CD63: variants seen among roughly 807,000 people sequenced by gnomAD.
The protein encoded by CD63 is CD63 molecule.
In CD63, 16 loss-of-function variants were observed where a neutral mutation model predicts 29.2. That is an observed-to-expected ratio of 0.55 (90% CI 0.37 to 0.83). The LOEUF is 0.83. CD63 is among the 40% of genes least tolerant of loss of function. CD63 has a pLI of 0.00. For missense variants in CD63, 251 were observed against 297.3 expected (o/e 0.84, Z 1.15); for synonymous variants, 118 against 111.7 (o/e 1.06, Z -0.36).
chr12:55,724,591 G>T, downstream of CD63: 1 of 1,557,648 alleles, frequency 6.4e-7, no homozygotes, highest in South Asian at 1.1e-5. Context: ...CAAGGACTTT[G>T]ATTTATTTCT....
chr12:55,728,768 A>C lies in CD63; in HGVS notation c.-12+185T>G. 2 of 995,860 alleles carry C rather than the reference A, an allele frequency of 2.0e-6. No individual in the cohort carries two copies. Among genetic ancestry groups the C allele is most frequent in the Non-Finnish European group, 2.4e-6 (2 of 836,144 alleles). 61.7% of individuals were successfully genotyped at this position (995,860 alleles called of 1,614,324 possible). A position where few individuals can be genotyped will look rare whatever the true frequency, so the allele number is the denominator to read the frequency against. On this transcript the variant is annotated intron_variant, in intron 1 of 7. Transcript: ENST00000257857. The surrounding 1 kb of genome is among the most constrained non-coding windows in gnomAD (Gnocchi z 4.8). ...GACCTCCCCGCCCACCAAAAAAAAA[A>C]AAAGTGCAGCCAGCACCCCCGCCAC...
At chr12:55,725,772 C>G (rs766650476) in intron 7 of CD63, 41 bp downstream of exon 7, 7 of 1,599,148 alleles carry the variant, frequency 4.4e-6, no homozygotes, top group Non-Finnish European at 6.0e-6. Context: ...CTCCAGGCAC[C>G]CTGGACAGAG....
downstream of CD63, chr12:55,724,754 T>C (rs1565656316): frequency 6.3e-6 from 4 of 635,792 alleles, no homozygotes; most frequent in Middle Eastern, 4.1e-4. Context: ...ATGCTCACGG[T>C]CTCTGGCCTG....
At chr12:55,724,803 G>A (rs915097938), downstream of CD63, 79 of 558,744 alleles carry the variant, frequency 1.4e-4, no homozygotes, top group African/African-American at 1.1e-3. Flanking sequence ...ACAGTGGGGC[G>A]CCAGGGAACT....
Position 55,728,169 on chromosome 12 carries a change from A to T in CD63, c.66+107T>A. ...TGTCTTTCCCTGGCTTTCTTTCCAC[A>T]TCTGGTCTCCAGCTGCCTTAATTCT... On this transcript the variant is annotated intron_variant, in intron 2 of 7. Coordinates refer to ENST00000257857, the MANE Select transcript of CD63 (RefSeq NM_001780.6). The surrounding 1 kb of genome is among the most constrained non-coding windows in gnomAD (Gnocchi z 4.8). The T allele has an allele frequency of 3.8e-6, 4 of 1,052,416 alleles. No homozygotes were observed. The highest frequency in any genetic ancestry group is 2.1e-5 in the Admixed American group (1 of 48,654). 65.2% of individuals were successfully genotyped at this position (1,052,416 alleles called of 1,614,324 possible).
chr12:55,724,602 GC>G, downstream of CD63: 2 of 1,499,696 alleles, frequency 1.3e-6, no homozygotes, highest in Non-Finnish European at 1.8e-6. Flanking sequence ...ATTTATTTCT[GC>G]CCCCACCCTG....
chr12:55,725,676 T>C (rs774742263), intron 7 of CD63, 50 bp from the exon 8 acceptor site: 11 of 1,567,154 alleles, frequency 7.0e-6, no homozygotes, highest in Non-Finnish European at 9.7e-6. Context: ...AAGGGCTAGC[T>C]ACCTCAGACC....
intron 5 of CD63, 75 bp downstream of exon 5, chr12:55,726,625 G>T: frequency 1.7e-6 from 2 of 1,190,826 alleles, no homozygotes; most frequent in South Asian, 1.2e-5. Flanking sequence ...GATTACAGGC[G>T]TGAGTCACCA....
chr12:55,724,080 G>A, downstream of CD63: 1 of 1,599,646 alleles, frequency 6.3e-7, no homozygotes, highest in Admixed American at 1.7e-5. Flanking sequence ...AGGGGCACAT[G>A]AAGGGAAACA....
chr12:55,726,437 C>T lies in CD63; in HGVS notation c.427-176G>A, dbSNP rs752252321. 2.1e-3 allele frequency: 1,343 copies of T among 651,616 alleles called. 11 individuals are homozygous for T. Among genetic ancestry groups the T allele is most frequent in the Non-Finnish European group, 2.7e-3 (1,038 of 386,918 alleles). 40.4% of individuals were successfully genotyped at this position (651,616 alleles called of 1,614,324 possible). A position where few individuals can be genotyped will look rare whatever the true frequency, so the allele number is the denominator to read the frequency against. On this transcript the variant is annotated intron_variant, in intron 5 of 7. Coordinates refer to ENST00000257857, the MANE Select transcript of CD63 (RefSeq NM_001780.6). ...TCGGCTCACTGCAACCTCCGCCTCC[C>T]GGGTTCAAGCGATTCTCCTGCCTCA...
chr12:55,726,475 G>A (rs914514223), intron 5 of CD63: 13 of 624,678 alleles, frequency 2.1e-5, no homozygotes, highest in Non-Finnish European at 3.3e-5. Context: ...CTCCTGAGTA[G>A]GTGGGATTAC....
chr12:55,723,798 T>C, downstream of CD63: 3 of 1,492,324 alleles, frequency 2.0e-6, no homozygotes, highest in Non-Finnish European at 2.8e-6. Flanking sequence ...TGGTCTGTGG[T>C]AACTTTCTCA....
rs150015050 is a variant in CD63, at chr12:55,727,315, C to T, written c.91G>A (p.Val31Met). 282 of 1,613,638 alleles carry T rather than the reference C, an allele frequency of 1.7e-4. No homozygotes were observed. The East Asian group carries it at 5.6e-3, about 32-fold the overall frequency. The stretch of plus-strand genomic sequence containing the variant: ...AGGACAAGCTGTGCCCCGACACCCA[C>T]GGCAATCAGTCCCACTGCACAGGCC... ...FCACAVGLIAVGVGAQLVLSQ... is the reference protein window; with the variant it reads ...FCACAVGLIAMGVGAQLVLSQ... The change falls in exon 3 of 8, where the codon GTG becomes ATG. Residue 31 changes from valine (V) to methionine (M), a missense_variant. Val to Met is a conservative substitution (Grantham distance 21). Coordinates refer to ENST00000257857, the MANE Select transcript of CD63 (RefSeq NM_001780.6).
chr12:55,724,416 C>T (rs1565656005), downstream of CD63: 2 of 1,614,188 alleles, frequency 1.2e-6, no homozygotes, highest in African/African-American at 2.7e-5. Flanking sequence ...CTGCTCGACA[C>T]CCCCGAACCC....
In CD63 at chr12:55,726,110, C is replaced by A. The variant is rs1175111089; in HGVS notation, c.567+11G>T. Reference sequence around the variant, plus strand: ...AGGTTTCCCAAGTCCCATACACAGTCTCCTCCCTACCTCCTTATGGATCGC... The same window carrying A: ...AGGTTTCCCAAGTCCCATACACAGTATCCTCCCTACCTCCTTATGGATCGC... On this transcript the variant is annotated intron_variant, in intron 6 of 7. Transcript: ENST00000257857. The A allele has an allele frequency of 6.2e-7, 1 of 1,613,898 alleles. No homozygotes were observed.
intron 2 of CD63, chr12:55,727,787 T>C (rs1038983983): frequency 2.9e-6 from 3 of 1,032,628 alleles, no homozygotes; most frequent in Non-Finnish European, 3.5e-6. Flanking sequence ...GATGTGTCCC[T>C]CCCTAGACAA....
chr12:55,726,942 A>G lies in CD63; in HGVS notation c.278T>C (p.Ile93Thr), dbSNP rs201460404. 406 of 1,614,114 alleles carry G rather than the reference A, an allele frequency of 2.5e-4. 2 individuals carry two copies. The South Asian group carries it at 4.0e-3, about 16-fold the overall frequency. Residue 93 changes from isoleucine to threonine, a missense_variant, in exon 4 of 8, where the codon ATC (isoleucine) becomes ACC (threonine). Ile to Thr is a moderately conservative substitution (Grantham distance 89, BLOSUM62 -1). Transcript: ENST00000257857. ...GGCTGCGGCCACCTCCACCAACATGATAAGAGACAGAAAGATGGCAAACTG... is the reference window on the plus strand; with the variant it reads ...GGCTGCGGCCACCTCCACCAACATGGTAAGAGACAGAAAGATGGCAAACTG... ...MITFAIFLSLIMLVEVAAAIA... is the reference protein window; with the variant it reads ...MITFAIFLSLTMLVEVAAAIA...
Position 55,728,283 on chromosome 12 carries a change from G to A in CD63, c.59C>T (p.Ala20Val). ...GGACCCCTCGCCACTCACGCAAAAGGCCAGCAGGAGGACGTAGAGCAAGAA... is the reference window on the plus strand; with the variant it reads ...GGACCCCTCGCCACTCACGCAAAAGACCAGCAGGAGGACGTAGAGCAAGAA... Reference protein sequence around the residue: ...VKFLLYVLLLAFCACAVGLIA... With the variant: ...VKFLLYVLLLVFCACAVGLIA... Residue 20 changes from alanine (A) to valine (V), a missense_variant, in exon 2 of 8, where the codon GCC (alanine) becomes GTC (valine). Ala to Val is a moderately conservative substitution (Grantham distance 64). Transcript: ENST00000257857. The surrounding 1 kb of genome is among the most constrained non-coding windows in gnomAD (Gnocchi z 4.8). 1.2e-6 allele frequency: 2 copies of A among 1,610,066 alleles called. No individual in the cohort carries two copies. Among genetic ancestry groups the A allele is most frequent in the Middle Eastern group, 1.7e-4 (1 of 6,058 alleles).
At chr12:55,724,476 C>T (rs1292704853), downstream of CD63, 1 of 1,613,934 alleles carries the variant, frequency 6.2e-7, no homozygotes, top group South Asian at 1.1e-5. Flanking sequence ...CTGCCTCCTA[C>T]CTGCCAGCCA....
Sources: gnomAD v4.1 joint callset for allele counts on GRCh38, gnomAD v4.1.1 for gene constraint, Gnocchi (gnomAD v3.1) non-coding constraint, MANE v1.5 for transcripts, NCBI Gene and HGNC (gene_info 2026-07-23, HGNC 2026-07-21) for gene names.